Variants in LARP6 observed in about 807,000 individuals in gnomAD.
LARP6 encodes the protein La ribonucleoprotein 6, translational regulator.
LARP6 carries 18 observed loss-of-function variants against 32.8 expected under a neutral mutation model. The observed-to-expected ratio is 0.55, with a 90% CI of 0.38 to 0.81. The LOEUF (loss-of-function observed/expected upper bound fraction) is 0.81. Among genes scored for constraint, LARP6 ranks in the 40% least tolerant of loss-of-function variants. LARP6 has a pLI of 0.00. For synonymous variants in LARP6, 289 were observed against 267.2 expected (o/e 1.08, Z -0.80); for missense variants, 598 against 663.1 (o/e 0.90, Z 1.08).
rs1315908421 is a variant in LARP6, at chr15:70,831,689, G to A, written c.*363C>T. The A allele has an allele frequency of 6.1e-6, 1 of 164,592 alleles. No homozygotes were observed. Among genetic ancestry groups the A allele is most frequent in the African/African-American group, 2.4e-5 (1 of 42,034 alleles). 10.2% of individuals were successfully genotyped at this position (164,592 alleles called of 1,614,324 possible). On this transcript the variant is annotated 3_prime_UTR_variant, in exon 3 of 3. Transcript: ENST00000299213. ...GGAAGCCCTTGCATGGCCTATCGAGGACAGCTCAGTCACTGAAGGGAAAAA... is the reference window on the plus strand; with the variant it reads ...GGAAGCCCTTGCATGGCCTATCGAGAACAGCTCAGTCACTGAAGGGAAAAA...
At chr15:70,850,803 C>G (rs1276868408) in intron 1 of LARP6, among the ~76,000 whole-genome samples, 1 of 152,058 alleles carries the variant, frequency 6.6e-6, no homozygotes, top group African/African-American at 2.4e-5. Context: ...TTATAAGAAG[C>G]ACATGGTACA....
Position 70,832,294 on chromosome 15 carries a change from T to C in LARP6, c.1234A>G (p.Ile412Val). ...GRLNCSTSPE[I>V]FRKCMDYSSD... ...GAATAATCCATACACTTGCGGAAGA[T>C]CTCAGGGCTGGTGCTGCAGTTCAGT... is the stretch of plus-strand genomic sequence containing the variant. The change falls in exon 3 of 3, where the codon ATC becomes GTC. Residue 412 changes from isoleucine to valine, a missense_variant. Transcript: ENST00000299213. 6.2e-7 allele frequency: 1 copy of C among 1,614,160 alleles called. No individual in the cohort carries two copies. Among genetic ancestry groups the C allele is most frequent in the Non-Finnish European group, 8.5e-7 (1 of 1,180,018 alleles).
rs2032568313 is a variant in LARP6, at chr15:70,853,944, A to G, written c.145T>C (p.Tyr49His). The G allele has an allele frequency of 3.0e-5, 44 of 1,444,074 alleles. No homozygotes were observed. Among genetic ancestry groups the G allele is most frequent in the Non-Finnish European group, 4.0e-5 (44 of 1,093,908 alleles). 89.5% of individuals were successfully genotyped at this position (1,444,074 alleles called of 1,614,324 possible). Residue 49 changes from tyrosine to histidine, a missense_variant, in exon 1 of 3, where the codon TAC becomes CAC. By Grantham distance (83) the Tyr-to-His change is moderately conservative. Transcript: ENST00000299213. The part of the protein sequence containing the change: ...ETRGAGDPAR[Y>H]LSPGWGSASE... ...GCGCTGCCCCAGCCGGGGCTGAGGT[A>G]CCGGGCCGGGTCCCCGGCGCCCCGA... is the stretch of plus-strand genomic sequence containing the variant.
At chr15:70,841,581 G>A (rs1331356734) in intron 1 of LARP6, among the ~76,000 whole-genome samples, 1 of 152,098 alleles carries the variant, frequency 6.6e-6, no homozygotes, top group East Asian at 1.9e-4. Context: ...TCATGGGGTC[G>A]TTTCTCATGA....
At chr15:70,842,277 G>A (rs2032271240) in intron 1 of LARP6, among the ~76,000 whole-genome samples, 1 of 151,676 alleles carries the variant, frequency 6.6e-6, no homozygotes, top group South Asian at 2.1e-4. Context: ...TGAAACCCTG[G>A]GCTCAAGTGA....
chr15:70,834,860 C>A (rs1038529364), intron 2 of LARP6, among the ~76,000 whole-genome samples: 2 of 152,186 alleles, frequency 1.3e-5, no homozygotes, highest in African/African-American at 4.8e-5. Context: ...ATGTATGTTC[C>A]CCTTTTGTGA....
At chr15:70,850,244 G>T (rs1854182147) in intron 1 of LARP6, among the ~76,000 whole-genome samples, 1 of 152,116 alleles carries the variant, frequency 6.6e-6, no homozygotes, top group Non-Finnish European at 1.5e-5. Context: ...AAAAGCTCAA[G>T]GCCTGATGGC....
intron 1 of LARP6, chr15:70,853,238 C>T (rs2032531889): frequency 7.0e-6 from 1 of 142,014 alleles, no homozygotes; most frequent in Non-Finnish European, 1.5e-5. Flanking sequence ...CCCCGCAAGG[C>T]AGCAAGATGA....
chr15:70,838,569 C>T (rs2141051488), intron 1 of LARP6, among the ~76,000 whole-genome samples: 1 of 152,232 alleles, frequency 6.6e-6, no homozygotes, highest in East Asian at 1.9e-4. Context: ...GCAGCACCAC[C>T]TGGGTAGACT....
chr15:70,829,646 T>C lies in LARP6; in HGVS notation c.*2406A>G, dbSNP rs2032004788. ...CATCTTCTTGTTATCCACTGGTTTG[T>C]GGGAAGAACTGTGAACCAATAAAAT... On this transcript the variant is annotated 3_prime_UTR_variant, in exon 3 of 3. Transcript: ENST00000299213. 6.6e-6 allele frequency: 1 copy of C among 152,170 alleles called. No homozygotes were observed. Among genetic ancestry groups the C allele is most frequent in the African/African-American group, 2.4e-5 (1 of 41,436 alleles). 9.4% of individuals were successfully genotyped at this position (152,170 alleles called of 1,614,324 possible).
At chr15:70,839,957 T>G (rs530062930) in intron 1 of LARP6, among the ~76,000 whole-genome samples, 1 of 152,306 alleles carries the variant, frequency 6.6e-6, no homozygotes, top group African/African-American at 2.4e-5. Flanking sequence ...GGCCCTGACA[T>G]GATTGAGTTG....
At position 70,830,016 on chromosome 15, in the gene LARP6, T is replaced by G. The variant is rs1595948220; in HGVS notation, c.*2036A>C. ...CTGCAGGGAAGGAGCAGGCAGGGGG[T>G]GATGGGAGCAGAGTCAGGGAGGGAA... is the stretch of plus-strand genomic sequence containing the variant. On this transcript the variant is annotated 3_prime_UTR_variant, in exon 3 of 3. Transcript: ENST00000299213. 2 of 151,098 alleles carry G rather than the reference T, an allele frequency of 1.3e-5. No individual in the cohort carries two copies. The highest frequency in any genetic ancestry group is 4.9e-5 in the African/African-American group (2 of 40,834). The allele number at this position is 151,098 out of a possible 1,614,324, so 9.4% of individuals were successfully genotyped here. A position where few individuals can be genotyped will look rare whatever the true frequency, so the allele number is the denominator to read the frequency against.
intron 2 of LARP6, among the ~76,000 whole-genome samples, chr15:70,835,171 C>A (rs908822533): frequency 1.3e-5 from 2 of 152,192 alleles, no homozygotes; most frequent in Non-Finnish European, 2.9e-5. Flanking sequence ...TTCCCCTGTA[C>A]CTAGAAAACT....
chr15:70,851,882 A>T, intron 1 of LARP6: 1 of 1,098,936 alleles, frequency 9.1e-7, no homozygotes, highest in Non-Finnish European at 1.3e-6. Flanking sequence ...GCTGACTAGA[A>T]ATCAGTCAAT....
chr15:70,847,708 G>A (rs910965434), intron 1 of LARP6, among the ~76,000 whole-genome samples: 3 of 152,040 alleles, frequency 2.0e-5, no homozygotes, highest in East Asian at 1.9e-4. Flanking sequence ...AACATCCAAG[G>A]CTACTTTTTT....
At chr15:70,836,529 G>C (rs555712229) in intron 1 of LARP6, 24 bp from the exon 2 acceptor site, 4 of 1,598,200 alleles carry the variant, frequency 2.5e-6, no homozygotes, top group Non-Finnish European at 3.4e-6. Flanking sequence ...GAGACACCGG[G>C]TGTTAGGGTC....
intron 1 of LARP6, among the ~76,000 whole-genome samples, chr15:70,845,164 A>G (rs2032323569): frequency 6.6e-6 from 1 of 152,098 alleles, no homozygotes; most frequent in Non-Finnish European, 1.5e-5. Context: ...TTAGTTCATT[A>G]GTTCATTATA....
Position 70,853,975 on chromosome 15 carries a change from CG to C in LARP6, c.113del (p.Ala38GlyfsTer55). The part of the protein sequence containing the change: ...VDELEDEEEG[A>X]ETRGAGDPAR... ...CCGGGTCCCCGGCGCCCCGAGTCTC[CG>C]CCCCCTCCTCCTCGTCCTCCAACTC... is the stretch of plus-strand genomic sequence containing the variant. On this transcript the variant is annotated frameshift_variant, in exon 1 of 3. Transcript: ENST00000299213. LOFTEE classifies it high-confidence loss of function. The C allele has an allele frequency of 6.8e-7, 1 of 1,461,096 alleles. No individual in the cohort carries two copies. Among genetic ancestry groups the C allele is most frequent in the African/African-American group, 1.5e-5 (1 of 68,158 alleles). 90.5% of individuals were successfully genotyped at this position (1,461,096 alleles called of 1,614,324 possible). A position where few individuals can be genotyped will look rare whatever the true frequency, so the allele number is the denominator to read the frequency against.
intron 1 of LARP6, among the ~76,000 whole-genome samples, chr15:70,840,634 A>G (rs1330312983): frequency 2.0e-5 from 3 of 152,214 alleles, no homozygotes; most frequent in Admixed American, 1.3e-4. Context: ...CCCAGCTAAC[A>G]AAGATGTCAG....
Sources: allele counts gnomAD v4.1 joint callset (sites outside exome capture counted in the v4.1 genomes callset), GRCh38; gene constraint gnomAD v4.1.1; transcripts MANE v1.5; gene names NCBI Gene and HGNC (gene_info 2026-07-23, HGNC 2026-07-21).